The following TRPC7 variants were observed in gnomAD, a reference collection of about 807,000 sequenced individuals.
TRPC7 encodes the protein transient receptor potential cation channel subfamily C member 7, also known as short transient receptor potential channel 7.
A neutral mutation model predicts 90.1 loss-of-function variants in TRPC7; 42 were observed. That is an observed-to-expected ratio of 0.47 (90% CI 0.36 to 0.60). The LOEUF is 0.60. Among genes scored for constraint, TRPC7 ranks in the 20% least tolerant of loss-of-function variants. TRPC7 has a pLI of 0.00. For synonymous variants in TRPC7, 451 were observed against 436.3 expected (o/e 1.03, Z -0.42); for missense variants, 955 against 1,112.3 (o/e 0.86, Z 2.01).
At chr5:136,291,958 C>A (rs528249671) in intron 3 of TRPC7, among the ~76,000 whole-genome samples, 201 of 152,246 alleles carry the variant, frequency 1.3e-3, no homozygotes, top group African/African-American at 4.6e-3. Flanking sequence ...GACCACAGTG[C>A]AATCAAACTA....
At chr5:136,245,134 GC>G (rs969883105) in intron 7 of TRPC7, among the ~76,000 whole-genome samples, 5 of 152,148 alleles carry the variant, frequency 3.3e-5, no homozygotes, top group African/African-American at 1.2e-4. Flanking sequence ...TTAAGCACTT[GC>G]CCAAGGCCAC....
chr5:136,283,281 G>A (rs1419963285), intron 3 of TRPC7, among the ~76,000 whole-genome samples: 1 of 152,212 alleles, frequency 6.6e-6, no homozygotes, highest in Admixed American at 6.5e-5. Context: ...AAAGGCAGTT[G>A]CTTGCTTTCC....
intron 2 of TRPC7, among the ~76,000 whole-genome samples, chr5:136,345,493 G>A (rs1759977477): frequency 6.6e-6 from 1 of 152,084 alleles, no homozygotes; most frequent in Non-Finnish European, 1.5e-5. Flanking sequence ...CCTGGAAGGT[G>A]GTGGTTGCAG....
chr5:136,340,948 G>A (rs1318820558), intron 2 of TRPC7, among the ~76,000 whole-genome samples: 2 of 152,076 alleles, frequency 1.3e-5, no homozygotes, highest in African/African-American at 4.8e-5. Context: ...TACAAAATCA[G>A]CAACCATTTA....
intron 4 of TRPC7, among the ~76,000 whole-genome samples, chr5:136,267,232 C>T (rs1451897784): frequency 6.6e-6 from 1 of 152,138 alleles, no homozygotes; most frequent in African/African-American, 2.4e-5. Context: ...CATGGCACCC[C>T]ATCCAAAGGC....
At chr5:136,314,401 T>C (rs1181763074) in intron 3 of TRPC7, 1 of 152,186 alleles carries the variant, frequency 6.6e-6, no homozygotes, top group African/African-American at 2.4e-5. Flanking sequence ...GCTGAGTAAA[T>C]AGTATTGTAC....
chr5:136,250,702 C>T (rs981723117), intron 6 of TRPC7, among the ~76,000 whole-genome samples: 2 of 152,004 alleles, frequency 1.3e-5, no homozygotes, highest in Non-Finnish European at 2.9e-5. Context: ...TTTATTCAGC[C>T]CTCAAAACAA....
At chr5:136,295,908 C>T (rs189668297) in intron 3 of TRPC7, among the ~76,000 whole-genome samples, 56 of 152,286 alleles carry the variant, frequency 3.7e-4, no homozygotes, top group Non-Finnish European at 7.1e-4. Flanking sequence ...ACACCTCTAA[C>T]GGTATTTTAG....
chr5:136,264,659 G>C (rs1019536601), intron 5 of TRPC7, among the ~76,000 whole-genome samples: 2 of 151,578 alleles, frequency 1.3e-5, no homozygotes, highest in African/African-American at 2.4e-5. Flanking sequence ...GTGGTGCAAT[G>C]TCCGCTCATC....
chr5:136,309,086 C>T (rs971039554), intron 3 of TRPC7, among the ~76,000 whole-genome samples: 1 of 152,188 alleles, frequency 6.6e-6, no homozygotes, highest in Non-Finnish European at 1.5e-5. Context: ...AATGGTCCCC[C>T]ATCCCCTCCT....
chr5:136,257,789 T>G (rs1756732787), intron 5 of TRPC7, among the ~76,000 whole-genome samples: 2 of 152,196 alleles, frequency 1.3e-5, no homozygotes, highest in South Asian at 4.2e-4. Context: ...AAATGGATTT[T>G]AAAAATAAAT....
chr5:136,355,450 A>G (rs1760334851), intron 2 of TRPC7, among the ~76,000 whole-genome samples: 3 of 152,234 alleles, frequency 2.0e-5, no homozygotes, highest in Admixed American at 2.0e-4. Context: ...AGAAGATTAA[A>G]TAAGATCATA....
chr5:136,357,809 A>G lies in TRPC7; in HGVS notation c.3-424T>C, dbSNP rs532316481. ...CCCACCTGTACAATGTGGATAACTT[A>G]CATGTGCTGCAGAGTCTGTAGGAGG... On this transcript the variant is annotated intron_variant, in intron 1 of 11. Transcript: ENST00000513104. Among the ~76,000 whole-genome samples, 8 of 152,320 alleles carry G rather than the reference A, an allele frequency of 5.3e-5. No individual in the cohort carries two copies. The South Asian group carries it at 1.0e-3, about 20-fold the overall frequency.
intron 2 of TRPC7, among the ~76,000 whole-genome samples, chr5:136,335,238 G>C (rs1451229668): frequency 2.0e-5 from 3 of 152,018 alleles, no homozygotes; most frequent in Non-Finnish European, 4.4e-5. Context: ...GAGCTGATTT[G>C]AACTCCCAAG....
At position 136,276,976 on chromosome 5, in the gene TRPC7, C is replaced by T. The variant is rs141715754; in HGVS notation, c.964-2139G>A. Reference sequence around the variant, plus strand: ...AGAAACTCGTAGTCTGATTAGAAGACGCGACACATGCTGTGAAATAGAAGA... The same window carrying T: ...AGAAACTCGTAGTCTGATTAGAAGATGCGACACATGCTGTGAAATAGAAGA... On this transcript the variant is annotated intron_variant, in intron 3 of 11. Transcript: ENST00000513104. Among the ~76,000 whole-genome samples the T allele has an allele frequency of 9.8e-5, 15 of 152,308 alleles. No homozygotes were observed. The East Asian group carries it at 2.9e-3, about 29-fold the overall frequency.
At chr5:136,270,737 G>C (rs1757183105) in intron 4 of TRPC7, among the ~76,000 whole-genome samples, 1 of 152,212 alleles carries the variant, frequency 6.6e-6, no homozygotes, top group Non-Finnish European at 1.5e-5. Context: ...GCAGGGCTCA[G>C]CCTGGGCTAA....
At chr5:136,271,436 GTTAT>G (rs1561695778) in intron 4 of TRPC7, among the ~76,000 whole-genome samples, 1 of 152,162 alleles carries the variant, frequency 6.6e-6, no homozygotes, top group Non-Finnish European at 1.5e-5. Flanking sequence ...GAAGATGACT[GTTAT>G]TTATTCTTTT....
chr5:136,360,522 T>C (rs1450666993), intron 1 of TRPC7, among the ~76,000 whole-genome samples: 1 of 152,202 alleles, frequency 6.6e-6, no homozygotes, highest in Non-Finnish European at 1.5e-5. Flanking sequence ...TAAAATGTCC[T>C]CACCATTTGA....
At chr5:136,327,956 C>T (rs1157965258) in intron 2 of TRPC7, among the ~76,000 whole-genome samples, 2 of 152,156 alleles carry the variant, frequency 1.3e-5, no homozygotes, top group African/African-American at 4.8e-5. Context: ...ATGTGAAATA[C>T]TGGGTAAGAA....
Sources: gnomAD v4.1 joint callset for allele counts (sites outside exome capture counted in the v4.1 genomes callset) on GRCh38, gnomAD v4.1.1 for gene constraint, MANE v1.5 for transcripts, NCBI Gene and HGNC (gene_info 2026-07-23, HGNC 2026-07-21) for gene names.